XDH: variants seen among roughly 807,000 people sequenced by gnomAD.
The protein encoded by XDH is xanthine dehydrogenase/oxidase.
XDH carries 138 observed loss-of-function variants against 156.1 expected under a neutral mutation model. The observed-to-expected ratio is 0.88, with a 90% CI of 0.77 to 1.02. The LOEUF is 1.02. Among genes scored for constraint, XDH ranks in the 50% least tolerant of loss-of-function variants. The pLI, the probability that XDH is intolerant of heterozygous loss-of-function variation, is 0.00. For synonymous variants in XDH, 669 were observed against 625.7 expected, an observed-to-expected ratio of 1.07 and a Z score of -1.03; for missense variants, 1,849 against 1,684.9, an observed-to-expected ratio of 1.10 and a Z score of -1.71.
At chr2:31,377,366 C>A in intron 13 of XDH, 129 bp from the exon 14 acceptor site, 2 of 971,526 alleles carry the variant, frequency 2.1e-6, no homozygotes, top group Non-Finnish European at 3.2e-6. Context: ...GGTGAACTGG[C>A]CCCGGGAATC....
intron 24 of XDH, among the ~76,000 whole-genome samples, chr2:31,359,632 T>C (rs537342879): frequency 5.9e-5 from 9 of 152,294 alleles, no homozygotes; most frequent in African/African-American, 2.2e-4. Context: ...AAAATCAGTG[T>C]TTTTATTCTT....
chr2:31,407,054 A>C (rs1449784251), intron 1 of XDH, among the ~76,000 whole-genome samples: 1 of 152,208 alleles, frequency 6.6e-6, no homozygotes, highest in Non-Finnish European at 1.5e-5. Context: ...GGTGTATATT[A>C]TTGGGATAAT....
intron 34 of XDH, 141 bp from the exon 35 acceptor site, chr2:31,337,958 C>G: frequency 1.2e-6 from 1 of 808,320 alleles, no homozygotes; most frequent in South Asian, 1.8e-5. Flanking sequence ...GGAGCCACAC[C>G]AAATACAGCA....
At chr2:31,351,381 C>T (rs1685475929) in intron 24 of XDH, among the ~76,000 whole-genome samples, 1 of 152,076 alleles carries the variant, frequency 6.6e-6, no homozygotes, top group Admixed American at 6.6e-5. Flanking sequence ...TATATTTTCT[C>T]TTTTCCCTCC....
intron 24 of XDH, among the ~76,000 whole-genome samples, chr2:31,357,171 C>T (rs1189429176): frequency 6.6e-6 from 1 of 152,010 alleles, no homozygotes; most frequent in Non-Finnish European, 1.5e-5. Context: ...TTAATTTAAG[C>T]TTTCAACTCA....
rs1032787474 is a variant in XDH, at chr2:31,349,703, C to A, written c.2952G>T (p.Glu984Asp). Reference sequence around the variant, plus strand: ...GTGCTTACTTGTTGAACTTGTCAACCTCACTCTTCCGAGCATGATACTGAG... The same window carrying A: ...GTGCTTACTTGTTGAACTTGTCAACATCACTCTTCCGAGCATGATACTGAG... The part of the protein sequence containing the change: ...ASSQYHARKS[E>D]VDKFNKENCW... Residue 984 changes from glutamate (E) to aspartate (D), a missense_variant, in exon 26 of 36, where the codon GAG (glutamate) becomes GAT (aspartate). Physicochemically the swap from Glu to Asp is conservative, Grantham distance 45. Coordinates refer to ENST00000379416, the MANE Select transcript of XDH (RefSeq NM_000379.4). 3.7e-6 allele frequency: 6 copies of A among 1,614,032 alleles called. No individual in the cohort carries two copies. In the African/African-American group the frequency reaches 8.0e-5, roughly 22 times the overall value.
intron 6 of XDH, 80 bp downstream of exon 6, chr2:31,397,588 T>C (rs1448398715): frequency 7.1e-6 from 11 of 1,549,248 alleles, no homozygotes; most frequent in Non-Finnish European, 9.8e-6. Flanking sequence ...CCAGAGGCCC[T>C]TGGTCTCCCT....
chr2:31,345,257 C>T (rs1443036610), intron 30 of XDH, among the ~76,000 whole-genome samples: 1 of 152,152 alleles, frequency 6.6e-6, no homozygotes, highest in Non-Finnish European at 1.5e-5. Flanking sequence ...CTCAAACTTG[C>T]CCTCCATTCT....
chr2:31,387,872 T>C lies in XDH; in HGVS notation c.590A>G (p.Lys197Arg), dbSNP rs772456813. ...HSVSLSPSLF[K>R]PEEFTPLDPT... ...ATCCAGGGGCGTGAACTCCTCTGGTTTGAATAAAGATGGCGAGAGGCTGAC... is the reference window on the plus strand; with the variant it reads ...ATCCAGGGGCGTGAACTCCTCTGGTCTGAATAAAGATGGCGAGAGGCTGAC... Residue 197 changes from lysine (K) to arginine (R), a missense_variant, in exon 8 of 36, where the codon AAA (lysine) becomes AGA (arginine). Transcript: ENST00000379416. 9.5e-6 allele frequency: 15 copies of C among 1,586,896 alleles called. No homozygotes were observed. Among genetic ancestry groups the C allele is most frequent in the African/African-American group, 2.7e-5 (2 of 74,672 alleles).
At chr2:31,381,390 A>C (rs1264630513) in intron 12 of XDH, among the ~76,000 whole-genome samples, 1 of 152,200 alleles carries the variant, frequency 6.6e-6, no homozygotes, top group Non-Finnish European at 1.5e-5. Context: ...AGTGCATCCC[A>C]GCCCCAGTAC....
At chr2:31,350,620 C>T (rs1685448108) in intron 24 of XDH, among the ~76,000 whole-genome samples, 1 of 151,998 alleles carries the variant, frequency 6.6e-6, no homozygotes, top group Admixed American at 6.6e-5. Flanking sequence ...GTGATCCGCC[C>T]GCCTTGGCCT....
rs144733927 is a variant in XDH at position 31,412,020 on chromosome 2, A to C, written c.42+2605T>G. Reference sequence around the variant, plus strand: ...GTGACGATCTCTGTAGCTGACACTCACTTCTTGTGGGGATCACTCCTGGAC... The same window carrying C: ...GTGACGATCTCTGTAGCTGACACTCCCTTCTTGTGGGGATCACTCCTGGAC... On this transcript the variant is annotated intron_variant, in intron 1 of 35. Coordinates refer to ENST00000379416, the MANE Select transcript of XDH (RefSeq NM_000379.4). 4.5e-3 allele frequency among the ~76,000 whole-genome samples: 681 copies of C among 152,252 alleles called. 5 individuals are homozygous for C. The highest frequency in any genetic ancestry group is 0.015 in the African/African-American group (628 of 41,554).
In XDH at chr2:31,389,920, A is replaced by T. The variant is rs577358223; in HGVS notation, c.496-1625T>A. On this transcript the variant is annotated intron_variant, in intron 6 of 35. Transcript: ENST00000379416. ...AGTGGAAGATGTAGAGAATTCCCAA[A>T]TACCCCTATCCCAACATACACGCAC... 5.3e-5 allele frequency among the ~76,000 whole-genome samples: 8 copies of T among 152,266 alleles called. No individual in the cohort carries two copies. The South Asian group carries it at 1.5e-3, about 28-fold the overall frequency.
chr2:31,339,809 T>C lies in XDH; in HGVS notation c.3586-132A>G, dbSNP rs891257926. ...GTAGCTAAAACTGCCCTCTATTGCT[T>C]ACCTGGCTCCCGCCTCAGCCCTGGG... On this transcript the variant is annotated intron_variant, in intron 33 of 35. Transcript: ENST00000379416. 4 of 1,184,256 alleles carry C rather than the reference T, an allele frequency of 3.4e-6. No homozygotes were observed. The Admixed American group carries it at 7.9e-5, about 23-fold the overall frequency. 73.4% of individuals were successfully genotyped at this position (1,184,256 alleles called of 1,614,324 possible). A position where few individuals can be genotyped will look rare whatever the true frequency, so the allele number is the denominator to read the frequency against.
chr2:31,396,225 A>G (rs1686899645), intron 6 of XDH, among the ~76,000 whole-genome samples: 1 of 152,188 alleles, frequency 6.6e-6, no homozygotes, highest in Admixed American at 6.5e-5. Flanking sequence ...GAGGGAGGTA[A>G]GTTCTGCATG....
At chr2:31,384,646 TA>T (rs1686534995) in intron 9 of XDH, among the ~76,000 whole-genome samples, 1 of 152,158 alleles carries the variant, frequency 6.6e-6, no homozygotes, top group African/African-American at 2.4e-5. Flanking sequence ...TGGAAAAGGT[TA>T]AAAAAGAAAT....
intron 25 of XDH, 40 bp downstream of exon 25, chr2:31,349,992 C>G (rs13419527): frequency 6.2e-7 from 1 of 1,612,706 alleles, no homozygotes; most frequent in South Asian, 1.1e-5. Context: ...CCGAAGTAGT[C>G]TAAAGCACTC....
chr2:31,381,613 C>T lies in XDH; in HGVS notation c.1132+20G>A. 1.9e-6 allele frequency: 3 copies of T among 1,613,444 alleles called. No homozygotes were observed. The highest frequency in any genetic ancestry group is 2.7e-5 in the African/African-American group (2 of 75,022). On this transcript the variant is annotated intron_variant, in intron 12 of 35. Coordinates refer to ENST00000379416, the MANE Select transcript of XDH (RefSeq NM_000379.4). ...CTCCCCCAAGTCCTTCTTCCTGGAC[C>T]TCTGCTTCAGGCAGCTCACCTCTGG...
At chr2:31,345,610 G>A (rs990147211) in intron 30 of XDH, among the ~76,000 whole-genome samples, 2 of 152,126 alleles carry the variant, frequency 1.3e-5, no homozygotes, top group Admixed American at 6.5e-5. Flanking sequence ...TCATTTTACA[G>A]ATGAGGAAAC....
Sources: gnomAD v4.1 joint callset for allele counts (sites outside exome capture counted in the v4.1 genomes callset) on GRCh38, gnomAD v4.1.1 for gene constraint, MANE v1.5 for transcripts, NCBI Gene and HGNC (gene_info 2026-07-23, HGNC 2026-07-21) for gene names.